Variants in HIP1R observed in about 807,000 individuals in gnomAD.
HIP1R encodes huntingtin-interacting protein 1-related protein.
HIP1R carries 135 observed loss-of-function variants against 144.2 expected under a neutral mutation model. The ratio of observed to expected loss-of-function variants is 0.94; its 90% CI spans 0.81 to 1.08. The LOEUF (loss-of-function observed/expected upper bound fraction) is 1.08. HIP1R is among the 50% of genes least tolerant of loss of function. The pLI is 0.00. For synonymous variants in HIP1R, 698 were observed against 612.8 expected (o/e 1.14, Z -2.05); for missense variants, 1,462 against 1,432.8 (o/e 1.02, Z -0.33).
chr12:122,849,313 G>C (rs994368052), intron 4 of HIP1R, among the ~76,000 whole-genome samples: 3 of 152,286 alleles, frequency 2.0e-5, no homozygotes, highest in Non-Finnish European at 4.4e-5. Flanking sequence ...CTGGTGGGCA[G>C]AGGGCCTTGG....
chr12:122,848,972 G>A (rs1360983175), intron 4 of HIP1R, 120 bp downstream of exon 4: 33 of 995,710 alleles, frequency 3.3e-5, no homozygotes, highest in East Asian at 7.4e-5. Flanking sequence ...TCCCAGGGGC[G>A]ACAGTGGGAG....
chr12:122,854,504 A>G (rs1199731346), intron 8 of HIP1R, among the ~76,000 whole-genome samples: 1 of 152,140 alleles, frequency 6.6e-6, no homozygotes, highest in Non-Finnish European at 1.5e-5. Context: ...CAAAAAGGCA[A>G]AAGGTGTCTG....
chr12:122,850,790 G>A, intron 5 of HIP1R, 45 bp from the exon 6 acceptor site: 3 of 1,526,242 alleles, frequency 2.0e-6, no homozygotes. Flanking sequence ...CCAGGTGTGG[G>A]GGGGCCCTGG....
rs2033551890 is a variant in HIP1R, at chr12:122,855,822, T to C, written c.1056-9T>C. On this transcript the variant is annotated splice_polypyrimidine_tract_variant and intron_variant, in intron 12 of 31. Coordinates refer to ENST00000253083, the MANE Select transcript of HIP1R (RefSeq NM_003959.3). ...GACTTAACTTGAACCCCAGGACCTC[T>C]GTCCCCAGGGACCTCCAGATTGAGA... is the stretch of plus-strand genomic sequence containing the variant. 3 of 1,555,704 alleles carry C rather than the reference T, an allele frequency of 1.9e-6. No individual in the cohort carries two copies. The highest frequency in any genetic ancestry group is 2.6e-6 in the Non-Finnish European group (3 of 1,148,868).
In HIP1R at chr12:122,855,886, GAGA is replaced by G. The variant is rs2033555233; in HGVS notation, c.1115_1117del (p.Lys372del). 1 of 1,400,610 alleles carries G rather than the reference GAGA, an allele frequency of 7.1e-7. No individual in the cohort carries two copies. Among genetic ancestry groups the G allele is most frequent in the Non-Finnish European group, 9.7e-7 (1 of 1,026,028 alleles). The allele number at this position is 1,400,610 out of a possible 1,614,324, so 86.8% of individuals were successfully genotyped here. On this transcript the variant is annotated inframe_deletion, in exon 13 of 32. Transcript: ENST00000253083. The stretch of plus-strand genomic sequence containing the variant: ...GGTGGAAATGCTCCGCTCTGAACTG[GAGA>G]AGATCAAGCTGGAGGTGCGGGGTGG...
intron 5 of HIP1R, 47 bp from the exon 6 acceptor site, chr12:122,850,787 TG>T (rs752289203): frequency 3.2e-4 from 326 of 1,018,636 alleles, no homozygotes; most frequent in Non-Finnish European, 3.7e-4. Flanking sequence ...CCGCCAGGTG[TG>T]GGGGGGCCCT....
At chr12:122,858,748 C>T (rs995187242) in intron 20 of HIP1R, 90 bp from the exon 21 acceptor site, 16 of 923,220 alleles carry the variant, frequency 1.7e-5, no homozygotes, top group African/African-American at 8.0e-5. Context: ...TCTTCCTCCT[C>T]CTCCTGGGAT....
At chr12:122,855,781 G>A (rs1440301253) in intron 12 of HIP1R, 50 bp from the exon 13 acceptor site, 1 of 1,541,986 alleles carries the variant, frequency 6.5e-7, no homozygotes, top group Non-Finnish European at 8.8e-7. Context: ...TGCTGGGTCT[G>A]TTGACTGTTC....
intron 20 of HIP1R, 86 bp downstream of exon 20, chr12:122,858,521 C>A: frequency 8.8e-7 from 1 of 1,135,570 alleles, no homozygotes; most frequent in Non-Finnish European, 1.3e-6. Flanking sequence ...GGGAGGTTTA[C>A]AGACAGCAGG....
At chr12:122,859,037 A>G in intron 21 of HIP1R, 24 bp from the exon 22 acceptor site, 3 of 1,603,604 alleles carry the variant, frequency 1.9e-6, no homozygotes, top group Non-Finnish European at 2.6e-6. Context: ...GGGGGGCTCC[A>G]CTCACGGTCC....
intron 3 of HIP1R, 81 bp downstream of exon 3, chr12:122,848,689 C>T (rs1461658757): frequency 1.2e-4 from 185 of 1,593,530 alleles, no homozygotes; most frequent in Non-Finnish European, 1.5e-4. Flanking sequence ...TGTTCCTGTC[C>T]CCGTAGCTCC....
chr12:122,858,067 G>T, intron 18 of HIP1R, 35 bp from the exon 19 acceptor site: 1 of 1,442,568 alleles, frequency 6.9e-7, no homozygotes, highest in Non-Finnish European at 9.1e-7. Flanking sequence ...CCTTGGGGAG[G>T]ATCTCTAACC....
intron 26 of HIP1R, 67 bp from the exon 27 acceptor site, chr12:122,860,356 G>A: frequency 3.2e-6 from 5 of 1,569,480 alleles, no homozygotes; most frequent in African/African-American, 1.3e-5. Context: ...GAGGGCCCTT[G>A]AGGGCCACTT....
At chr12:122,852,943 A>C (rs1392058136) in intron 7 of HIP1R, among the ~76,000 whole-genome samples, 3 of 152,080 alleles carry the variant, frequency 2.0e-5, no homozygotes, top group Non-Finnish European at 4.4e-5. Flanking sequence ...AAGGGGCGGC[A>C]CTTTGTGTCT....
chr12:122,854,763 C>T (rs1055229997), intron 8 of HIP1R, 142 bp from the exon 9 acceptor site: 3 of 783,744 alleles, frequency 3.8e-6, no homozygotes, highest in African/African-American at 1.8e-5. Flanking sequence ...CAGGTCTCCC[C>T]ATCCCGATGG....
intron 18 of HIP1R, chr12:122,857,603 G>A (rs2033627723): frequency 2.6e-6 from 1 of 378,470 alleles, no homozygotes; most frequent in African/African-American, 2.1e-5. Flanking sequence ...GATGTGTGTG[G>A]AACACAGTAG....
At chr12:122,849,502 C>T (rs1449936817) in intron 4 of HIP1R, among the ~76,000 whole-genome samples, 1 of 152,280 alleles carries the variant, frequency 6.6e-6, no homozygotes, top group Non-Finnish European at 1.5e-5. Flanking sequence ...GTGCCACCTG[C>T]AGATGCAGGC....
In HIP1R at chr12:122,861,956, T is replaced by TA. The variant is rs1407081969; in HGVS notation, c.*204dup. 9.2e-6 allele frequency: 5 copies of TA among 544,354 alleles called. No individual in the cohort carries two copies. Among genetic ancestry groups the TA allele is most frequent in the Non-Finnish European group, 1.6e-5 (5 of 309,436 alleles). The allele number at this position is 544,354 out of a possible 1,614,324, so 33.7% of individuals were successfully genotyped here. A position where few individuals can be genotyped will look rare whatever the true frequency, so the allele number is the denominator to read the frequency against. On this transcript the variant is annotated 3_prime_UTR_variant, in exon 32 of 32. Coordinates refer to ENST00000253083, the MANE Select transcript of HIP1R (RefSeq NM_003959.3). The stretch of plus-strand genomic sequence containing the variant: ...GTGGTGCTTCTGGATGTGAGTCTCT[T>TA]ATTTATCTGCAGAAGGAACTTTGGG...
At position 122,836,769 on chromosome 12, in the gene HIP1R, T is replaced by A. The variant is rs912562108; in HGVS notation, c.93+1126T>A. On this transcript the variant is annotated intron_variant, in intron 1 of 31. Coordinates refer to ENST00000253083, the MANE Select transcript of HIP1R (RefSeq NM_003959.3). This position sits in a 1 kb window ranked among gnomAD's most constrained non-coding sequence, Gnocchi z 4.1. ...AGAGCTATGACTTCTGCGGTTGCCT[T>A]CACATCTAGTTAGCACACGCACTCT... Among the ~76,000 whole-genome samples, 3 of 152,200 alleles carry A rather than the reference T, an allele frequency of 2.0e-5. No individual in the cohort carries two copies. The highest frequency in any genetic ancestry group is 6.5e-5 in the Admixed American group (1 of 15,282).
Sources: gnomAD v4.1 joint callset for allele counts (sites outside exome capture counted in the v4.1 genomes callset) on GRCh38, gnomAD v4.1.1 for gene constraint, Gnocchi (gnomAD v3.1) non-coding constraint, MANE v1.5 for transcripts, NCBI Gene and HGNC (gene_info 2026-07-23, HGNC 2026-07-21) for gene names.